SS18L1: variants seen among roughly 807,000 people sequenced by gnomAD.
SS18L1 encodes the protein calcium-responsive transactivator.
Under a neutral mutation model 70.3 loss-of-function variants are expected in SS18L1, and 32 were observed. The ratio of observed to expected loss-of-function variants is 0.46; its 90% confidence interval spans 0.34 to 0.61. The LOEUF (loss-of-function observed/expected upper bound fraction) is 0.61. Among genes scored for constraint, SS18L1 ranks in the 20% least tolerant of loss-of-function variants. The pLI, the probability that SS18L1 is intolerant of heterozygous loss-of-function variation, is 0.01. For synonymous variants in SS18L1, 237 were observed against 229.7 expected, an observed-to-expected ratio of 1.03 and a Z score of -0.29; for missense variants, 430 against 542.1, an observed-to-expected ratio of 0.79 and a Z score of 2.05.
At chr20:62,155,059 C>T (rs2057198058) in intron 1 of SS18L1, among the ~76,000 whole-genome samples, 1 of 152,230 alleles carries the variant, frequency 6.6e-6, no homozygotes, top group Non-Finnish European at 1.5e-5. Flanking sequence ...TGCATCACTG[C>T]ACCGGCTGAC....
In SS18L1 at chr20:62,161,675, A is replaced by G. The variant is rs562568730; in HGVS notation, c.376+95A>G. On this transcript the variant is annotated intron_variant, in intron 4 of 10. Coordinates refer to ENST00000331758, the MANE Select transcript of SS18L1 (RefSeq NM_198935.3). The surrounding 1 kb of genome is among the most constrained non-coding windows in gnomAD (Gnocchi z 4.4). ...GCCATGGTGGGGCACCCCACCCCTCACAGGGCTGGGCATGGGACCCACTCC... is the reference window on the plus strand; with the variant it reads ...GCCATGGTGGGGCACCCCACCCCTCGCAGGGCTGGGCATGGGACCCACTCC... 2.0e-6 allele frequency: 3 copies of G among 1,488,298 alleles called. No homozygotes were observed. The South Asian group carries it at 3.9e-5, about 19-fold the overall frequency. The allele number at this position is 1,488,298 out of a possible 1,614,324, so 92.2% of individuals were successfully genotyped here. A position where few individuals can be genotyped will look rare whatever the true frequency, so the allele number is the denominator to read the frequency against.
Position 62,179,727 on chromosome 20 carries a change from A to C in SS18L1, c.*519A>C. The C allele has an allele frequency of 4.2e-5, 1 of 23,754 alleles. No individual in the cohort carries two copies. The highest frequency in any genetic ancestry group is 8.6e-5 in the Non-Finnish European group (1 of 11,686). The allele number at this position is 23,754 out of a possible 1,614,324, so 1.5% of individuals were successfully genotyped here. ...CCTGTGCCTCGATGGGGTGGGTGGG[A>C]GGGCATCTTCTGTGCGTTGGGTCAG... is the stretch of plus-strand genomic sequence containing the variant. On this transcript the variant is annotated 3_prime_UTR_variant, in exon 11 of 11. Coordinates refer to ENST00000331758, the MANE Select transcript of SS18L1 (RefSeq NM_198935.3).
At position 62,161,164 on chromosome 20, in the gene SS18L1, G is replaced by C; in HGVS notation, c.232-272G>C. On this transcript the variant is annotated intron_variant, in intron 3 of 10. Transcript: ENST00000331758. The surrounding 1 kb of genome is among the most constrained non-coding windows in gnomAD (Gnocchi z 4.4). ...GGGGTTCCCTGCTGTCCCAGGAGGAGGTCCAGCTTTTCACACCCAGGCACG... is the reference window on the plus strand; with the variant it reads ...GGGGTTCCCTGCTGTCCCAGGAGGACGTCCAGCTTTTCACACCCAGGCACG... Among the ~76,000 whole-genome samples the C allele has an allele frequency of 6.6e-6, 1 of 151,416 alleles. No individual in the cohort carries two copies. The highest frequency in any genetic ancestry group is 1.9e-4 in the East Asian group (1 of 5,150).
At position 62,158,702 on chromosome 20, in the gene SS18L1, T is replaced by G; in HGVS notation, c.100T>G (p.Cys34Gly). The G allele has an allele frequency of 6.2e-7, 1 of 1,612,832 alleles. No homozygotes were observed. Among genetic ancestry groups the G allele is most frequent in the Non-Finnish European group, 8.5e-7 (1 of 1,180,022 alleles). ...GGACGAGAACCACCACCTGATCCAG[T>G]GCATCCTGGAGTACCAGAGCAAGGG... ...MLDENHHLIQ[C>G]ILEYQSKGKT... is the part of the protein sequence containing the mutation. Residue 34 changes from cysteine to glycine, a missense_variant, in exon 2 of 11, where the codon TGC becomes GGC. By Grantham distance (159) the Cys-to-Gly change is radical. Transcript: ENST00000331758. The surrounding 1 kb of genome is among the most constrained non-coding windows in gnomAD (Gnocchi z 4.5).
intron 10 of SS18L1, among the ~76,000 whole-genome samples, chr20:62,176,577 G>A (rs1601062137): frequency 6.6e-6 from 1 of 152,138 alleles, no homozygotes; most frequent in East Asian, 1.9e-4. Flanking sequence ...CACTTTGGGA[G>A]GCTGAGGCGG....
intron 8 of SS18L1, among the ~76,000 whole-genome samples, chr20:62,169,380 G>T (rs1198209339): frequency 6.6e-6 from 1 of 152,262 alleles, no homozygotes; most frequent in African/African-American, 2.4e-5. Context: ...GCAGTCCAGA[G>T]CAGGGGTGGA....
chr20:62,170,527 G>A (rs2057512047), intron 8 of SS18L1, among the ~76,000 whole-genome samples: 1 of 152,122 alleles, frequency 6.6e-6, no homozygotes, highest in Non-Finnish European at 1.5e-5. Context: ...AAAGAACCCT[G>A]GAGTACTTGC....
intron 1 of SS18L1, among the ~76,000 whole-genome samples, chr20:62,145,985 T>C (rs189176423): frequency 5.6e-4 from 84 of 148,930 alleles, no homozygotes; most frequent in African/African-American, 2.1e-3. Context: ...AACTTGTCCT[T>C]ACAGCATTCT....
At chr20:62,176,738 G>A (rs2145791665) in intron 10 of SS18L1, among the ~76,000 whole-genome samples, 1 of 151,600 alleles carries the variant, frequency 6.6e-6, no homozygotes, top group Non-Finnish European at 1.5e-5. Context: ...GGAAGGCAGA[G>A]GTGAGTTGAG....
rs115888791 is a variant in SS18L1, at chr20:62,166,288, C to T, written c.916+774C>T. On this transcript the variant is annotated intron_variant, in intron 8 of 10. Coordinates refer to ENST00000331758, the MANE Select transcript of SS18L1 (RefSeq NM_198935.3). ...GGGAGAGGGGCCTCGTGTCTGCTGACGCTGACCGGCAGGCAGCAGTGGCTG... is the reference window on the plus strand; with the variant it reads ...GGGAGAGGGGCCTCGTGTCTGCTGATGCTGACCGGCAGGCAGCAGTGGCTG... 7.8e-3 allele frequency among the ~76,000 whole-genome samples: 1,183 copies of T among 152,370 alleles called. 16 individuals carry two copies. Among genetic ancestry groups the T allele is most frequent in the African/African-American group, 0.026 (1,086 of 41,580 alleles).
intron 1 of SS18L1, among the ~76,000 whole-genome samples, chr20:62,151,845 T>G (rs2057136312): frequency 2.9e-5 from 3 of 102,526 alleles, no homozygotes; most frequent in East Asian, 3.0e-4. Flanking sequence ...GCCTCCCCCG[T>G]TCCCCTCTTT....
intron 8 of SS18L1, among the ~76,000 whole-genome samples, chr20:62,166,973 C>T (rs2145758846): frequency 6.7e-6 from 1 of 149,860 alleles, no homozygotes; most frequent in South Asian, 2.1e-4. Context: ...GGCATGGTGG[C>T]TTACGCCTGT....
rs1338706191 is a variant in SS18L1 at position 62,158,573 on chromosome 20, C to T, written c.70-99C>T. 3 of 1,520,366 alleles carry T rather than the reference C, an allele frequency of 2.0e-6. No homozygotes were observed. The highest frequency in any genetic ancestry group is 2.0e-5 in the Admixed American group (1 of 50,970). 94.2% of individuals were successfully genotyped at this position (1,520,366 alleles called of 1,614,324 possible). ...TCTGACACGTTTCACGTAAGGGACG[C>T]TCAACCTATATGAAAACTAGATGTG... is the stretch of plus-strand genomic sequence containing the variant. On this transcript the variant is annotated intron_variant, in intron 1 of 10. Transcript: ENST00000331758. The surrounding 1 kb of genome is among the most constrained non-coding windows in gnomAD (Gnocchi z 4.5).
Position 62,165,415 on chromosome 20 carries a change from C to T in SS18L1, c.824-7C>T, listed in dbSNP as rs749949102. On this transcript the variant is annotated splice_region_variant and splice_polypyrimidine_tract_variant and intron_variant, in intron 7 of 10. Coordinates refer to ENST00000331758, the MANE Select transcript of SS18L1 (RefSeq NM_198935.3). ...CCGCTGACTGTCGCCGTCTCCGTTT[C>T]GCACAGGCCATGGCGATTACGCCTA... 6.1e-5 allele frequency: 97 copies of T among 1,601,026 alleles called. No individual in the cohort carries two copies. The East Asian group carries it at 9.2e-4, about 15-fold the overall frequency.
At position 62,164,246 on chromosome 20, in the gene SS18L1, G is replaced by A. The variant is rs1213244026; in HGVS notation, c.823G>A (p.Gly275Ser). 6 of 1,546,596 alleles carry A rather than the reference G, an allele frequency of 3.9e-6. No homozygotes were observed. Among genetic ancestry groups the A allele is most frequent in the East Asian group, 2.4e-5 (1 of 40,866 alleles). The change falls in exon 7 of 11, where the codon GGC becomes AGC. Residue 275 changes from glycine (G) to serine (S), a missense_variant and splice_region_variant. Transcript: ENST00000331758. ...EPMGQQYYPD[G>S]HGDYAYQQSS... ...CATGGGCCAGCAGTACTACCCCGAC[G>A]GTGAGCACTGGCGGCGGCCTGACCC...
At position 62,181,127 on chromosome 20, in the gene SS18L1, T is replaced by C. The variant is rs1034798888; in HGVS notation, c.*1919T>C. The C allele has an allele frequency of 2.1e-5, 4 of 191,690 alleles. No homozygotes were observed. The highest frequency in any genetic ancestry group is 9.3e-5 in the African/African-American group (4 of 42,948). 11.9% of individuals were successfully genotyped at this position (191,690 alleles called of 1,614,324 possible). On this transcript the variant is annotated 3_prime_UTR_variant, in exon 11 of 11. Transcript: ENST00000331758. ...AGTCCTGTTCTAGGACATTCTCCCC[T>C]CTCCTAGGAGACGGATGTCACGCAC... is the stretch of plus-strand genomic sequence containing the variant.
chr20:62,170,497 C>A (rs183713655), intron 8 of SS18L1, among the ~76,000 whole-genome samples: 2 of 152,232 alleles, frequency 1.3e-5, no homozygotes, highest in Non-Finnish European at 2.9e-5. Context: ...CAGAGCGAGA[C>A]TCCATCTCGA....
At chr20:62,168,503 C>T (rs1374875303) in intron 8 of SS18L1, among the ~76,000 whole-genome samples, 8 of 152,154 alleles carry the variant, frequency 5.3e-5, no homozygotes, top group Middle Eastern at 6.8e-3. Context: ...CTTTCCAGGC[C>T]GGGTGCAGTG....
rs1467046623 is a variant in SS18L1, at chr20:62,151,961, G to A, written c.70-6711G>A. Among the ~76,000 whole-genome samples the A allele has an allele frequency of 5.3e-5, 6 of 113,102 alleles. No homozygotes were observed. The East Asian group carries it at 7.6e-4, about 14-fold the overall frequency. The allele number at this position is 113,102 out of a possible 152,430, so 74.2% of individuals were successfully genotyped here. A position where few individuals can be genotyped will look rare whatever the true frequency, so the allele number is the denominator to read the frequency against. On this transcript the variant is annotated intron_variant, in intron 1 of 10. Transcript: ENST00000331758. ...CCTCTCCCCAGAGCTGGCCTCCCCC[G>A]TTCCCCTCTTTTCCCGGTCCCCAGG... is the stretch of plus-strand genomic sequence containing the variant.
Sources: gnomAD v4.1 joint callset for allele counts (sites outside exome capture counted in the v4.1 genomes callset) on GRCh38, gnomAD v4.1.1 for gene constraint, Gnocchi (gnomAD v3.1) non-coding constraint, MANE v1.5 for transcripts, NCBI Gene and HGNC (gene_info 2026-07-23, HGNC 2026-07-21) for gene names.